CYP4X1: variants seen among roughly 807,000 people sequenced by gnomAD.
The protein encoded by CYP4X1 is cytochrome P450 family 4 subfamily X member 1.
CYP4X1 carries 44 observed loss-of-function variants against 57.9 expected under a neutral mutation model. The ratio of observed to expected loss-of-function variants is 0.76; its 90% CI spans 0.60 to 0.98. The LOEUF is 0.98. Ranked by LOEUF, CYP4X1 falls within the 50% of genes least tolerant of loss-of-function variation. The pLI is 0.00. For synonymous variants in CYP4X1, 227 were observed against 228.6 expected, an observed-to-expected ratio of 0.99 and a Z score of 0.06; for missense variants, 532 against 623.9, an observed-to-expected ratio of 0.85 and a Z score of 1.57.
the CYP4X1 span, among the ~76,000 whole-genome samples, chr1:46,984,983 G>C: frequency 2.5e-4 from 38 of 152,224 alleles, no homozygotes; most frequent in African/African-American, 8.7e-4. Flanking sequence ...GCCAGCACAG[G>C]AGTCTGAGGT....
At chr1:47,043,653 A>G (rs1644271434) in intron 8 of CYP4X1, among the ~76,000 whole-genome samples, 1 of 152,000 alleles carries the variant, frequency 6.6e-6, no homozygotes, top group Non-Finnish European at 1.5e-5. Flanking sequence ...TCTTGAGTTG[A>G]TTTTTGTATA....
At chr1:46,973,744 G>A in the CYP4X1 span, among the ~76,000 whole-genome samples, 1 of 151,896 alleles carries the variant, frequency 6.6e-6, no homozygotes, top group African/African-American at 2.4e-5. Flanking sequence ...CAGGGTTTTT[G>A]TTATTTCTGT....
the CYP4X1 span, among the ~76,000 whole-genome samples, chr1:46,963,838 T>C: frequency 6.6e-6 from 1 of 152,244 alleles, no homozygotes; most frequent in East Asian, 1.9e-4. Context: ...CTGAAGAGTG[T>C]TTTCCAACTT....
downstream of CYP4X1, among the ~76,000 whole-genome samples, chr1:47,052,483 A>T (rs1299861983): frequency 1.3e-5 from 2 of 152,158 alleles, no homozygotes; most frequent in Non-Finnish European, 2.9e-5. Context: ...AGAAACTTTC[A>T]TAGGTAGGAA....
chr1:47,003,705 T>G, the CYP4X1 span, among the ~76,000 whole-genome samples: 1 of 152,002 alleles, frequency 6.6e-6, no homozygotes, highest in African/African-American at 2.4e-5. Context: ...TCACAAGAAC[T>G]TACTCACTAT....
At chr1:47,036,864 G>A (rs1644189205) in intron 6 of CYP4X1, among the ~76,000 whole-genome samples, 1 of 152,192 alleles carries the variant, frequency 6.6e-6, no homozygotes, top group South Asian at 2.1e-4. Flanking sequence ...GCCTGGCACT[G>A]AATAGATGTT....
chr1:47,027,805 A>G (rs547651437), intron 1 of CYP4X1, among the ~76,000 whole-genome samples: 1 of 152,174 alleles, frequency 6.6e-6, no homozygotes, highest in Non-Finnish European at 1.5e-5. Context: ...TGCCCTGACC[A>G]TTCAGACTAA....
At chr1:46,993,717 A>C in the CYP4X1 span, among the ~76,000 whole-genome samples, 470 of 152,338 alleles carry the variant, frequency 3.1e-3, 5 homozygotes, top group African/African-American at 0.011. Flanking sequence ...TTTTGGCTGC[A>C]TAAATGTCTT....
the CYP4X1 span, among the ~76,000 whole-genome samples, chr1:46,968,995 C>T: frequency 3.9e-5 from 6 of 152,266 alleles, no homozygotes; most frequent in East Asian, 3.9e-4. Flanking sequence ...GGTATGGTTT[C>T]GCTGTTGGTC....
At chr1:47,007,828 G>A in the CYP4X1 span, among the ~76,000 whole-genome samples, 4 of 152,206 alleles carry the variant, frequency 2.6e-5, no homozygotes, top group Admixed American at 6.5e-5. Flanking sequence ...AAGGGTATCA[G>A]TGATGGAACA....
chr1:47,053,831 T>C (rs1644374559), downstream of CYP4X1, among the ~76,000 whole-genome samples: 1 of 152,240 alleles, frequency 6.6e-6, no homozygotes, highest in African/African-American at 2.4e-5. Flanking sequence ...CTTTGTCAGA[T>C]GAGTAGGTTG....
At chr1:47,044,902 G>A (rs1049530573) in intron 8 of CYP4X1, among the ~76,000 whole-genome samples, 4 of 150,626 alleles carry the variant, frequency 2.7e-5, no homozygotes, top group Non-Finnish European at 5.9e-5. Flanking sequence ...TCAGCTTACC[G>A]CAACCTCTGC....
intron 6 of CYP4X1, among the ~76,000 whole-genome samples, chr1:47,036,387 C>CATATATAT (rs1198642261): frequency 0.011 from 1,478 of 134,674 alleles, 68 homozygotes; most frequent in Admixed American, 0.039. Context: ...TATATATATA[C>CATATATAT]ACTATTTTTA....
At chr1:47,008,817 A>G in the CYP4X1 span, among the ~76,000 whole-genome samples, 2 of 152,222 alleles carry the variant, frequency 1.3e-5, no homozygotes, top group Non-Finnish European at 2.9e-5. Context: ...ATCAAAAGAC[A>G]CAAAGAAGGC....
chr1:46,986,164 G>C, the CYP4X1 span, among the ~76,000 whole-genome samples: 1 of 152,172 alleles, frequency 6.6e-6, no homozygotes, highest in Non-Finnish European at 1.5e-5. Flanking sequence ...AACCAGTTTA[G>C]AGAAGAATGT....
intron 1 of CYP4X1, among the ~76,000 whole-genome samples, chr1:47,025,958 T>C (rs1644058849): frequency 6.6e-6 from 1 of 152,232 alleles, no homozygotes; most frequent in Non-Finnish European, 1.5e-5. Flanking sequence ...TGTTTTGGCA[T>C]CCTTGTCAAA....
the CYP4X1 span, among the ~76,000 whole-genome samples, chr1:46,984,392 A>C: frequency 0.017 from 2,650 of 151,558 alleles, 72 homozygotes; most frequent in African/African-American, 0.061. Context: ...AAAAAAAAAA[A>C]AAAAAAAAAC....
At chr1:47,028,702 A>T (rs1005368704) in intron 1 of CYP4X1, among the ~76,000 whole-genome samples, 21 of 152,112 alleles carry the variant, frequency 1.4e-4, no homozygotes, top group African/African-American at 4.6e-4. Flanking sequence ...GTTTATGAAA[A>T]TTTTTTACCT....
At chr1:46,991,727 C>T in the CYP4X1 span, among the ~76,000 whole-genome samples, 1 of 152,070 alleles carries the variant, frequency 6.6e-6, no homozygotes, top group African/African-American at 2.4e-5. Context: ...AAAGCAGCCT[C>T]GGGAGTGACA....
Sources: gnomAD v4.1 joint callset for allele counts (sites outside exome capture counted in the v4.1 genomes callset) on GRCh38, gnomAD v4.1.1 for gene constraint, MANE v1.5 for transcripts, NCBI Gene and HGNC (gene_info 2026-07-23, HGNC 2026-07-21) for gene names.